The following DSCAML1 variants were observed in gnomAD, a reference collection of about 807,000 sequenced individuals.
The protein encoded by DSCAML1 is cell adhesion molecule DSCAML1.
In DSCAML1, 38 loss-of-function variants were observed where a neutral mutation model predicts 200.5. That is an observed-to-expected ratio of 0.19 (90% CI 0.15 to 0.25). DSCAML1 has a LOEUF of 0.25. Ranked by LOEUF, DSCAML1 falls within the 10% of genes least tolerant of loss-of-function variation. The pLI is 1.00. For missense variants in DSCAML1, 2,223 were observed against 2,858.8 expected (o/e 0.78, Z 5.07); for synonymous variants, 1,215 against 1,165.0 (o/e 1.04, Z -0.87).
rs1200647650 is a variant in DSCAML1 at position 117,518,731 on chromosome 11, G to A, written c.1245C>T (p.Ser415=). The A allele has an allele frequency of 5.6e-6, 9 of 1,612,446 alleles. No homozygotes were observed. The highest frequency in any genetic ancestry group is 4.0e-5 in the African/African-American group (3 of 74,948). ...GCTCCCCGGGGTTGACCACCTTCTC[G>A]CTGAAGGACGAGACGATGCGGGGCG... is the stretch of plus-strand genomic sequence containing the variant. ...DGTPRIVSSF[S]EKVVNPGEQF... is the part of the protein sequence containing the mutation. The change falls in exon 7 of 33, where the codon AGC becomes AGT. Residue 415 remains serine (S), a synonymous_variant. Transcript: ENST00000651296. The surrounding 1 kb of genome is among the most constrained non-coding windows in gnomAD (Gnocchi z 6.3).
chr11:117,613,687 C>T (rs914760608), intron 3 of DSCAML1, among the ~76,000 whole-genome samples: 7 of 152,208 alleles, frequency 4.6e-5, no homozygotes, highest in African/African-American at 1.2e-4. Context: ...GTTAGGCAGG[C>T]GGGGAGGCAG....
chr11:117,670,979 G>A (rs1000228438), intron 3 of DSCAML1, among the ~76,000 whole-genome samples: 3 of 152,144 alleles, frequency 2.0e-5, no homozygotes, highest in Admixed American at 2.0e-4. Flanking sequence ...ACCTATTCAC[G>A]TGGATAACTG....
At chr11:117,610,748 CATTT>C (rs1424137812) in intron 3 of DSCAML1, among the ~76,000 whole-genome samples, 1 of 151,316 alleles carries the variant, frequency 6.6e-6, no homozygotes. Flanking sequence ...CAGTCATATT[CATTT>C]ATTTAACTAC....
rs1488811101 is a variant in DSCAML1, at chr11:117,780,784, G to A, written c.73C>T (p.Leu25Phe). 1.3e-6 allele frequency: 2 copies of A among 1,481,502 alleles called. No individual in the cohort carries two copies. Among genetic ancestry groups the A allele is most frequent in the Non-Finnish European group, 1.8e-6 (2 of 1,117,728 alleles). The allele number at this position is 1,481,502 out of a possible 1,614,324, so 91.8% of individuals were successfully genotyped here. A position where few individuals can be genotyped will look rare whatever the true frequency, so the allele number is the denominator to read the frequency against. Residue 25 changes from leucine (L) to phenylalanine (F), a missense_variant, in exon 2 of 33, where the codon CTC becomes TTC. By Grantham distance (22) the Leu-to-Phe change is conservative. Coordinates refer to ENST00000651296, the MANE Select transcript of DSCAML1 (RefSeq NM_020693.4). This position sits in a 1 kb window ranked among gnomAD's most constrained non-coding sequence, Gnocchi z 4.8. ...TGCAAGGAGTCATTTACAAAGTAGA[G>A]GCTGGTGCCAACATCTTCAGGGCGG... is the stretch of plus-strand genomic sequence containing the variant. The part of the protein sequence containing the change: ...KARPEDVGTS[L>F]YFVNDSLQQV...
intron 21 of DSCAML1, 112 bp downstream of exon 21, chr11:117,443,774 C>A (rs2048118596): frequency 1.4e-6 from 2 of 1,442,068 alleles, no homozygotes; most frequent in Non-Finnish European, 9.3e-7. Context: ...TTCCTCACAG[C>A]TGGGTGGCAG....
intron 4 of DSCAML1, among the ~76,000 whole-genome samples, chr11:117,529,015 G>C (rs1012191495): frequency 6.1e-5 from 9 of 146,478 alleles, no homozygotes; most frequent in Non-Finnish European, 7.4e-5. Flanking sequence ...AGCAGCTACT[G>C]TCTGTCCAGA....
intron 3 of DSCAML1, among the ~76,000 whole-genome samples, chr11:117,762,621 G>T (rs2054822990): frequency 6.6e-6 from 1 of 152,146 alleles, no homozygotes; most frequent in Admixed American, 6.5e-5. Context: ...CCAGCACTTT[G>T]GGAGGTGGAG....
upstream of DSCAML1, among the ~76,000 whole-genome samples, chr11:117,797,757 C>G (rs570291659): frequency 6.6e-6 from 1 of 152,310 alleles, no homozygotes; most frequent in South Asian, 2.1e-4. Context: ...CCAGCCACCC[C>G]CTGGCACGCT....
chr11:117,623,086 C>T (rs1221027566), intron 3 of DSCAML1, among the ~76,000 whole-genome samples: 1 of 152,138 alleles, frequency 6.6e-6, no homozygotes, highest in African/African-American at 2.4e-5. Flanking sequence ...TATGCCTATG[C>T]CTTCTCTCTC....
intron 3 of DSCAML1, among the ~76,000 whole-genome samples, chr11:117,684,569 G>C (rs1308188544): frequency 6.6e-6 from 1 of 151,708 alleles, no homozygotes; most frequent in East Asian, 1.9e-4. Flanking sequence ...GAGAGAGAGA[G>C]AGAAGGAGAT....
intron 3 of DSCAML1, among the ~76,000 whole-genome samples, chr11:117,707,535 CT>C (rs202106088): frequency 8.7e-5 from 13 of 149,614 alleles, no homozygotes; most frequent in Middle Eastern, 3.4e-3. Flanking sequence ...TCTTTTTATT[CT>C]TTTTTTTTTA....
Position 117,435,708 on chromosome 11 carries a change from C to A in DSCAML1, c.4812G>T (p.Leu1604=), listed in dbSNP as rs2047901797. 6.2e-6 allele frequency: 10 copies of A among 1,613,338 alleles called. No individual in the cohort carries two copies. In the East Asian group the frequency reaches 2.2e-4, roughly 36 times the overall value. The part of the protein sequence containing the change: ...TIGCPVILAT[L]GVALLFIVRK... ...GTACGATGAAGAGCAGTGCCACCCC[C>A]AGTGTGGCCAGGATGACAGGGCAGC... Residue 1604 remains leucine (L), a synonymous_variant, in exon 27 of 33, where the codon CTG becomes CTT. Transcript: ENST00000651296.
chr11:117,702,499 C>T (rs2053688210), intron 3 of DSCAML1, among the ~76,000 whole-genome samples: 1 of 152,046 alleles, frequency 6.6e-6, no homozygotes, highest in South Asian at 2.1e-4. Context: ...CTAGACCCTC[C>T]TTGATGAGTC....
At chr11:117,737,074 C>T (rs1401072414) in intron 3 of DSCAML1, among the ~76,000 whole-genome samples, 1 of 152,170 alleles carries the variant, frequency 6.6e-6, no homozygotes, top group Admixed American at 6.5e-5. Flanking sequence ...GGTGAGAGAT[C>T]TGCTGTTCCT....
intron 1 of DSCAML1, among the ~76,000 whole-genome samples, chr11:117,815,031 T>C (rs1449258517): frequency 1.3e-5 from 2 of 152,358 alleles, no homozygotes; most frequent in Non-Finnish European, 2.9e-5. Context: ...AGCATGCTCC[T>C]GGCTCGGGGC....
At chr11:117,467,044 G>T (rs1445143132) in intron 16 of DSCAML1, among the ~76,000 whole-genome samples, 1 of 152,142 alleles carries the variant, frequency 6.6e-6, no homozygotes, top group African/African-American at 2.4e-5. Flanking sequence ...AGGTTAGAAG[G>T]GGGCTGGTGG....
At chr11:117,485,609 C>T (rs2049031065) in intron 11 of DSCAML1, among the ~76,000 whole-genome samples, 1 of 152,236 alleles carries the variant, frequency 6.6e-6, no homozygotes, top group Admixed American at 6.5e-5. Context: ...AAACTGCCTG[C>T]CACACAGCAC....
intron 32 of DSCAML1, among the ~76,000 whole-genome samples, chr11:117,430,099 G>C (rs2047755216): frequency 6.6e-6 from 1 of 152,208 alleles, no homozygotes; most frequent in African/African-American, 2.4e-5. Context: ...TGTGACCCCA[G>C]CATCTGCTGA....
At chr11:117,641,237 G>T (rs1039985989) in intron 3 of DSCAML1, among the ~76,000 whole-genome samples, 7 of 152,224 alleles carry the variant, frequency 4.6e-5, no homozygotes, top group African/African-American at 1.7e-4. Flanking sequence ...GACACAGATC[G>T]CTGGGTGCCA....
Sources: gnomAD v4.1 joint callset for allele counts (sites outside exome capture counted in the v4.1 genomes callset) on GRCh38, gnomAD v4.1.1 for gene constraint, Gnocchi (gnomAD v3.1) non-coding constraint, MANE v1.5 for transcripts, NCBI Gene and HGNC (gene_info 2026-07-23, HGNC 2026-07-21) for gene names.